Variants in NEB observed in about 807,000 individuals in gnomAD.
The protein encoded by NEB is nemaline myopathy type 2.
NEB carries 512 observed loss-of-function variants against 952.2 expected under a neutral mutation model. The ratio of observed to expected loss-of-function variants is 0.54; its 90% CI spans 0.50 to 0.58. The LOEUF (loss-of-function observed/expected upper bound fraction) is 0.58, where lower values mean the gene tolerates loss of function less well. Ranked by LOEUF, NEB falls within the 20% of genes least tolerant of loss-of-function variation. NEB has a pLI of 0.00. For synonymous variants in NEB, 2,900 were observed against 3,149.8 expected (o/e 0.92, Z 2.66); for missense variants, 8,428 against 9,231.1 (o/e 0.91, Z 3.56).
chr2:151,514,498 A>C, intron 158 of NEB, 70 bp from the exon 159 acceptor site: 4 of 1,211,212 alleles, frequency 3.3e-6, no homozygotes, highest in Non-Finnish European at 4.9e-6. Context: ...CAAAGAAGAA[A>C]ATAAAAAACA....
At chr2:151,663,333 C>T (rs1390272815) in intron 45 of NEB, among the ~76,000 whole-genome samples, 1 of 152,166 alleles carries the variant, frequency 6.6e-6, no homozygotes, top group African/African-American at 2.4e-5. Context: ...TCCAACAATG[C>T]TCCCAGCAAC....
At chr2:151,591,713 AC>A (rs1351683049) in intron 95 of NEB, among the ~76,000 whole-genome samples, 2 of 152,308 alleles carry the variant, frequency 1.3e-5, no homozygotes, top group African/African-American at 4.8e-5. Context: ...TCAGAAAAAA[AC>A]ATATTGCTTG....
At chr2:151,678,617 AT>A in intron 32 of NEB, among the ~76,000 whole-genome samples, 1 of 152,356 alleles carries the variant, frequency 6.6e-6, no homozygotes, top group East Asian at 1.9e-4. Context: ...TAGGATGTTA[AT>A]ATCAATGATA....
rs1238361676 is a variant in NEB at position 151,666,252 on chromosome 2, G to A, written c.4869C>T (p.Thr1623=). 1 of 1,613,948 alleles carries A rather than the reference G, an allele frequency of 6.2e-7. No individual in the cohort carries two copies. The highest frequency in any genetic ancestry group is 1.1e-5 in the South Asian group (1 of 91,086). Reference sequence around the variant, plus strand: ...CCATATCCAGAGGTGTGTGGTACTTGGTCTTGCTGGCTTCATAGCCCTTTT... The same window carrying A: ...CCATATCCAGAGGTGTGTGGTACTTAGTCTTGCTGGCTTCATAGCCCTTTT... The part of the protein sequence containing the change: ...EYKKGYEASK[T]KYHTPLDMVS... Residue 1623 remains threonine (T), a synonymous_variant, in exon 41 of 182, where the codon ACC becomes ACT. Coordinates refer to ENST00000397345, the MANE Select transcript of NEB (RefSeq NM_001164508.2).
rs746862475 is a variant in NEB, at chr2:151,512,757, T to C, written c.23322A>G (p.Gln7774=). 1.4e-5 allele frequency: 23 copies of C among 1,613,760 alleles called. No individual in the cohort carries two copies. Among genetic ancestry groups the C allele is most frequent in the Non-Finnish European group, 1.8e-5 (21 of 1,179,690 alleles). Residue 7774 remains glutamine, a synonymous_variant, in exon 161 of 182, where the codon CAA becomes CAG. Coordinates refer to ENST00000397345, the MANE Select transcript of NEB (RefSeq NM_001164508.2). The part of the protein sequence containing the change: ...VVDTPEIIHA[Q]QVKNLSSQKK... ...CCTGGCTTGAAAGATTCTTGACTTG[T>C]TGGGCATGAATGATCTCTGGAGTAT...
chr2:151,507,103 C>G, intron 162 of NEB, 90 bp from the exon 163 acceptor site: 1 of 809,806 alleles, frequency 1.2e-6, no homozygotes, highest in South Asian at 1.6e-5. Context: ...AATTAAAATC[C>G]TGTATCTTTA....
chr2:151,670,622 C>T (rs943013737), intron 38 of NEB, among the ~76,000 whole-genome samples: 6 of 152,288 alleles, frequency 3.9e-5, no homozygotes, highest in South Asian at 2.1e-4. Context: ...AGCTATTATG[C>T]GAGGGGATTA....
chr2:151,684,871 G>A lies in NEB; in HGVS notation c.2742C>T (p.Asp914=), dbSNP rs766761991. ...TGTGTAAGATGTGCTTATAATCAAC[G>A]TCGCTGGCAATTGCCTGAGATTTCT... The part of the protein sequence containing the change: ...QAKKSQAIAS[D]VDYKHILHSY... The change falls in exon 28 of 182, where the codon GAC becomes GAT. Residue 914 remains aspartate (D), a synonymous_variant. Transcript: ENST00000397345. 32 of 1,613,076 alleles carry A rather than the reference G, an allele frequency of 2.0e-5. No individual in the cohort carries two copies. The highest frequency in any genetic ancestry group is 1.6e-4 in the Middle Eastern group (1 of 6,084).
chr2:151,494,643 GT>G (rs1487010172), intron 173 of NEB, among the ~76,000 whole-genome samples: 5 of 151,404 alleles, frequency 3.3e-5, no homozygotes, highest in African/African-American at 1.2e-4. Context: ...GTTTTTTTTT[GT>G]TTTGTTTTGT....
intron 19 of NEB, 33 bp downstream of exon 19, chr2:151,694,489 G>A: frequency 6.2e-7 from 1 of 1,613,334 alleles, no homozygotes; most frequent in Non-Finnish European, 8.5e-7. Flanking sequence ...TGTCCCCGAA[G>A]CCAGCCTGTC....
chr2:151,625,652 AAAGGTTAATG>A lies in NEB; in HGVS notation c.10348-24_10348-15del. On this transcript the variant is annotated splice_polypyrimidine_tract_variant and intron_variant, in intron 70 of 181. Coordinates refer to ENST00000397345, the MANE Select transcript of NEB (RefSeq NM_001164508.2). ...TGTGTATAAGCGCTGTGAAGGATAA[AAAGGTTAATG>A]AATTAGAAAAACAGTTTGTTGTAAA... 1 of 1,536,498 alleles carries A rather than the reference AAAGGTTAATG, an allele frequency of 6.5e-7. No individual in the cohort carries two copies. The highest frequency in any genetic ancestry group is 8.9e-7 in the Non-Finnish European group (1 of 1,129,014).
intron 157 of NEB, among the ~76,000 whole-genome samples, chr2:151,515,208 A>G (rs377491119): frequency 3.3e-5 from 5 of 152,168 alleles, no homozygotes; most frequent in South Asian, 2.1e-4. Flanking sequence ...GGAAGGATGG[A>G]TGCACCATCA....
chr2:151,733,318 G>A, intron 2 of NEB, 133 bp from the exon 3 acceptor site: 1 of 634,482 alleles, frequency 1.6e-6, no homozygotes. Flanking sequence ...GGCTAAAGGA[G>A]AGAAGACATT....
chr2:151,704,584 C>A (rs1456377380), intron 13 of NEB, among the ~76,000 whole-genome samples: 1 of 152,184 alleles, frequency 6.6e-6, no homozygotes, highest in African/African-American at 2.4e-5. Context: ...TTAAGCCGGT[C>A]AGAAAAGCGC....
chr2:151,554,139 G>T, intron 125 of NEB, 114 bp from the exon 126 acceptor site: 1 of 919,182 alleles, frequency 1.1e-6, no homozygotes, highest in Non-Finnish European at 1.7e-6. Flanking sequence ...GCAGGGCAGT[G>T]ACTGGTATTT....
At position 151,692,160 on chromosome 2, in the gene NEB, A is replaced by G. The variant is rs1185127674; in HGVS notation, c.2005T>C (p.Tyr669His). The G allele has an allele frequency of 6.2e-7, 1 of 1,613,180 alleles. No individual in the cohort carries two copies. The highest frequency in any genetic ancestry group is 1.3e-5 in the African/African-American group (1 of 74,906). ...ACATCCTTTACATATAAGTCTTTAT[A>G]TCTAGCCTGAAAAATAAAACAAATG... ...TQLKNFSEAR[Y>H]KDLYVKDVLG... Residue 669 changes from tyrosine (Y) to histidine (H), a missense_variant, in exon 22 of 182, where the codon TAT becomes CAT. Physicochemically the swap from Tyr to His is moderately conservative, Grantham distance 83. Around this residue, in one of 11 missense-constraint regions of NEB, gnomAD observed 2,851 missense variants for 2,791.5 expected, o/e 1.02. Coordinates refer to ENST00000397345, the MANE Select transcript of NEB (RefSeq NM_001164508.2).
At position 151,650,720 on chromosome 2, in the gene NEB, C is replaced by A; in HGVS notation, c.7081G>T (p.Val2361Leu). 6.2e-7 allele frequency: 1 copy of A among 1,613,942 alleles called. No individual in the cohort carries two copies. The highest frequency in any genetic ancestry group is 8.5e-7 in the Non-Finnish European group (1 of 1,179,850). The change falls in exon 53 of 182, where the codon GTG becomes TTG. Residue 2361 changes from valine (V) to leucine (L), a missense_variant. By Grantham distance (32) the Val-to-Leu change is conservative (BLOSUM62 1). This residue lies in a region of NEB where 1,772 missense variants were observed against 1,960.3 expected (regional missense o/e 0.90). Coordinates refer to ENST00000397345, the MANE Select transcript of NEB (RefSeq NM_001164508.2). ...EKWKTKFSSP[V>L]DMLGVVLAKK... ...GCCAGTACCACTCCCAACATGTCCA[C>A]TGGGCTGGAGAACTTAGTTTTCCAC...
chr2:151,697,035 C>G lies in NEB; in HGVS notation c.1470+113G>C, dbSNP rs138524588. 339 of 766,680 alleles carry G rather than the reference C, an allele frequency of 4.4e-4. 2 individuals are homozygous for G. The East Asian group carries it at 8.4e-3, about 19-fold the overall frequency. The allele number at this position is 766,680 out of a possible 1,614,324, so 47.5% of individuals were successfully genotyped here. A position where few individuals can be genotyped will look rare whatever the true frequency, so the allele number is the denominator to read the frequency against. On this transcript the variant is annotated intron_variant, in intron 16 of 181. Transcript: ENST00000397345. Reference sequence around the variant, plus strand: ...GTTTACTACAAAATAGACTTCATTTCTTGCGATTGCCTGGCTTACATTTAT... The same window carrying G: ...GTTTACTACAAAATAGACTTCATTTGTTGCGATTGCCTGGCTTACATTTAT...
chr2:151,519,408 G>A (rs2080395276), intron 154 of NEB, among the ~76,000 whole-genome samples: 1 of 152,162 alleles, frequency 6.6e-6, no homozygotes, highest in Admixed American at 6.5e-5. Context: ...CCATTTATAT[G>A]CACTCTCTAA....
Sources: allele counts gnomAD v4.1 joint callset (sites outside exome capture counted in the v4.1 genomes callset), GRCh38; gene constraint gnomAD v4.1.1; regional missense constraint gnomAD v4.1.1; transcripts MANE v1.5; gene names NCBI Gene and HGNC (gene_info 2026-07-23, HGNC 2026-07-21).